Variants in DNMT3A observed in about 807,000 individuals in gnomAD.
DNMT3A encodes the protein DNA methyltransferase 3 alpha.
In DNMT3A, 267 loss-of-function variants were observed where a neutral mutation model predicts 117.6. That is an observed-to-expected ratio of 2.27 (90% confidence interval 2.05 to 2.51). The LOEUF is 2.51. Among genes scored for constraint, DNMT3A ranks in the 30% most tolerant of loss-of-function variants. The pLI is 0.00. For missense variants in DNMT3A, 1,029 were observed against 1,260.2 expected (o/e 0.82, Z 2.78); for synonymous variants, 432 against 474.8 (o/e 0.91, Z 1.17).
chr2:25,301,086 G>A (rs1472528731), intron 2 of DNMT3A, among the ~76,000 whole-genome samples: 1 of 150,798 alleles, frequency 6.6e-6, no homozygotes, highest in African/African-American at 2.4e-5. Context: ...CTGCTAACAC[G>A]ATGAAACCCC....
In DNMT3A at chr2:25,320,759, T is replaced by C. The variant is rs188256964; in HGVS notation, c.-177-6598A>G. ...TGTGTAGGTTTAACAAATATATGTG[T>C]GTGTACATATATATGTATATATGCA... On this transcript the variant is annotated intron_variant, in intron 1 of 22. Transcript: ENST00000321117. Among the ~76,000 whole-genome samples, 15 of 152,344 alleles carry C rather than the reference T, an allele frequency of 9.8e-5. No individual in the cohort carries two copies. In the East Asian group the frequency reaches 2.9e-3, roughly 29 times the overall value.
chr2:25,278,729 G>A (rs1226207267), intron 4 of DNMT3A, among the ~76,000 whole-genome samples: 1 of 152,188 alleles, frequency 6.6e-6, no homozygotes. Flanking sequence ...CGGAGGCTGA[G>A]GCAGGAGAAT....
rs1280074226 is a variant in DNMT3A at position 25,252,055 on chromosome 2, C to T, written c.640-3803G>A. On this transcript the variant is annotated intron_variant, in intron 6 of 22. Transcript: ENST00000321117. This position sits in a 1 kb window ranked among gnomAD's most constrained non-coding sequence, Gnocchi z 5.5. ...AAGTCAGCATCTCCAGAACTCGGGC[C>T]AGGCCGGGACGCCGCGGCTGCTGCG... The T allele has an allele frequency of 1.7e-6, 2 of 1,161,306 alleles. No homozygotes were observed. The highest frequency in any genetic ancestry group is 1.6e-5 in the African/African-American group (1 of 62,472). 71.9% of individuals were successfully genotyped at this position (1,161,306 alleles called of 1,614,324 possible).
At chr2:25,312,722 G>A (rs1338275508) in intron 2 of DNMT3A, among the ~76,000 whole-genome samples, 1 of 152,196 alleles carries the variant, frequency 6.6e-6, no homozygotes, top group Non-Finnish European at 1.5e-5. Flanking sequence ...TGGAAAACTA[G>A]GAAACAGAAA....
At chr2:25,336,340 G>T (rs1282032779) in intron 1 of DNMT3A, among the ~76,000 whole-genome samples, 1 of 152,176 alleles carries the variant, frequency 6.6e-6, no homozygotes, top group African/African-American at 2.4e-5. Context: ...TGGATGCTGG[G>T]GCGCCTCAGC....
At position 25,257,186 on chromosome 2, in the gene DNMT3A, A is replaced by G. The variant is rs532208806; in HGVS notation, c.640-8934T>C. ...GCCATGAAGCCAACAGCGTGGAGTT[A>G]GCAGGACTTGTTGCTAAGGAGACCA... On this transcript the variant is annotated intron_variant, in intron 6 of 22. Transcript: ENST00000321117. The surrounding 1 kb of genome is among the most constrained non-coding windows in gnomAD (Gnocchi z 4.8). Among the ~76,000 whole-genome samples, 2 of 152,362 alleles carry G rather than the reference A, an allele frequency of 1.3e-5. No individual in the cohort carries two copies. Among genetic ancestry groups the G allele is most frequent in the South Asian group, 4.1e-4 (2 of 4,826 alleles).
Position 25,252,019 on chromosome 2 carries a change from G to A in DNMT3A, c.640-3767C>T, listed in dbSNP as rs1334636180. 3 of 752,180 alleles carry A rather than the reference G, an allele frequency of 4.0e-6. No individual in the cohort carries two copies. Among genetic ancestry groups the A allele is most frequent in the African/African-American group, 1.9e-5 (1 of 53,914 alleles). The allele number at this position is 752,180 out of a possible 1,614,324, so 46.6% of individuals were successfully genotyped here. On this transcript the variant is annotated intron_variant, in intron 6 of 22. Transcript: ENST00000321117. This position sits in a 1 kb window ranked among gnomAD's most constrained non-coding sequence, Gnocchi z 5.5. Reference sequence around the variant, plus strand: ...TGGGGCTCGTGGGCAGGAAGGCGGCGGGCCAGCACTAAGTCAGCATCTCCA... The same window carrying A: ...TGGGGCTCGTGGGCAGGAAGGCGGCAGGCCAGCACTAAGTCAGCATCTCCA...
intron 6 of DNMT3A, among the ~76,000 whole-genome samples, chr2:25,263,899 C>T (rs1046897560): frequency 6.6e-6 from 1 of 152,236 alleles, no homozygotes; most frequent in Admixed American, 6.5e-5. Flanking sequence ...TAGGGAGTTG[C>T]TTGCACAGTC....
rs1673357004 is a variant in DNMT3A, at chr2:25,236,250, A to G, written c.2479-425T>C. ...CTGGCTAATTTTTATATTTTTAGTC[A>G]GACAGGGTTTCACCGTGTCGGCCAG... On this transcript the variant is annotated intron_variant, in intron 21 of 22. Coordinates refer to ENST00000321117, the MANE Select transcript of DNMT3A (RefSeq NM_022552.5). This position sits in a 1 kb window ranked among gnomAD's most constrained non-coding sequence, Gnocchi z 4.5. Among the ~76,000 whole-genome samples the G allele has an allele frequency of 6.6e-6, 1 of 152,140 alleles. No individual in the cohort carries two copies. Among genetic ancestry groups the G allele is most frequent in the African/African-American group, 2.4e-5 (1 of 41,430 alleles).
intron 3 of DNMT3A, among the ~76,000 whole-genome samples, chr2:25,299,867 GT>G (rs2033329272): frequency 1.3e-5 from 2 of 152,290 alleles, no homozygotes; most frequent in African/African-American, 4.8e-5. Context: ...GGAGGTGGAG[GT>G]TGCAGTAAGC....
At chr2:25,300,722 T>G (rs1385611423) in intron 2 of DNMT3A, among the ~76,000 whole-genome samples, 1 of 14,016 alleles carries the variant, frequency 7.1e-5, no homozygotes, top group African/African-American at 3.7e-4. Flanking sequence ...AATATATATA[T>G]ATATATATAT....
At chr2:25,279,616 T>C (rs1036497644) in intron 4 of DNMT3A, among the ~76,000 whole-genome samples, 8 of 151,810 alleles carry the variant, frequency 5.3e-5, no homozygotes, top group African/African-American at 1.9e-4. Flanking sequence ...CCAGCTCTGA[T>C]CCCTGCCAGA....
At chr2:25,256,805 C>T (rs916385871) in intron 6 of DNMT3A, among the ~76,000 whole-genome samples, 15 of 152,296 alleles carry the variant, frequency 9.8e-5, no homozygotes, top group East Asian at 9.7e-4. Flanking sequence ...TTGCCTTGTG[C>T]GAAGGTGATT....
At chr2:25,317,793 T>C (rs2099506) in intron 1 of DNMT3A, among the ~76,000 whole-genome samples, 15,723 of 152,284 alleles carry the variant, frequency 0.1, 1,449 homozygotes, top group African/African-American at 0.25. Flanking sequence ...TGGAGTGCAA[T>C]GCCGCGATCT....
At chr2:25,297,904 A>G (rs2033191655) in intron 3 of DNMT3A, among the ~76,000 whole-genome samples, 1 of 152,226 alleles carries the variant, frequency 6.6e-6, no homozygotes, top group Admixed American at 6.5e-5. Context: ...CCAATGAGGA[A>G]GCAGCCCAGA....
At position 25,306,625 on chromosome 2, in the gene DNMT3A, C is replaced by T. The variant is rs1298249166; in HGVS notation, c.73-6382G>A. ...CTGCAGCCCCTTGTCCACAGCCTGT[C>T]CACCTGGCTGGGGCCTCATTGTCTT... is the stretch of plus-strand genomic sequence containing the variant. On this transcript the variant is annotated intron_variant, in intron 2 of 22. Transcript: ENST00000321117. The surrounding 1 kb of genome is among the most constrained non-coding windows in gnomAD (Gnocchi z 4.1). 6.6e-6 allele frequency among the ~76,000 whole-genome samples: 1 copy of T among 152,176 alleles called. No individual in the cohort carries two copies. Among genetic ancestry groups the T allele is most frequent in the African/African-American group, 2.4e-5 (1 of 41,438 alleles).
chr2:25,278,040 G>A (rs3220176), intron 4 of DNMT3A, among the ~76,000 whole-genome samples: 6,069 of 142,136 alleles, frequency 0.043, 168 homozygotes, highest in East Asian at 0.056. Flanking sequence ...CACACACACA[G>A]ACACACACGC....
At chr2:25,340,984 C>T (rs2035404603) in intron 1 of DNMT3A, among the ~76,000 whole-genome samples, 1 of 146,738 alleles carries the variant, frequency 6.8e-6, no homozygotes. Flanking sequence ...GCACGACCAC[C>T]CCTCTCCGTG....
intron 2 of DNMT3A, 82 bp downstream of exon 2, chr2:25,313,831 A>AT: frequency 6.5e-7 from 1 of 1,544,466 alleles, no homozygotes; most frequent in Non-Finnish European, 8.7e-7. Context: ...TGCACTCAGT[A>AT]TGAGGAGCCG....
Sources: allele counts gnomAD v4.1 joint callset (sites outside exome capture counted in the v4.1 genomes callset), GRCh38; gene constraint gnomAD v4.1.1; non-coding constraint Gnocchi (gnomAD v3.1); transcripts MANE v1.5; gene names NCBI Gene and HGNC (gene_info 2026-07-23, HGNC 2026-07-21).